Variants in TEAD2 observed in about 807,000 individuals in gnomAD.
TEAD2 encodes the protein TEA domain transcription factor 2, also known as transcriptional enhancer factor TEF-4.
In TEAD2, 51 loss-of-function variants were observed where a neutral mutation model predicts 61.4. The observed-to-expected ratio is 0.83, with a 90% CI of 0.66 to 1.05. The LOEUF is 1.05. Among genes scored for constraint, TEAD2 ranks in the 50% least tolerant of loss-of-function variants. The pLI, the probability that TEAD2 is intolerant of heterozygous loss-of-function variation, is 0.00. For missense variants in TEAD2, 509 were observed against 600.0 expected (o/e 0.85, Z 1.58); for synonymous variants, 244 against 243.2 (o/e 1.00, Z -0.03).
chr19:49,351,801 C>A (rs55711840), intron 7 of TEAD2, among the ~76,000 whole-genome samples: 28,733 of 151,880 alleles, frequency 0.19, 3,267 homozygotes, highest in Non-Finnish European at 0.25. Context: ...GCCTGGCCAA[C>A]ATGGTGAAAT....
At chr19:49,354,698 T>C (rs1320502326) in intron 7 of TEAD2, among the ~76,000 whole-genome samples, 1 of 151,426 alleles carries the variant, frequency 6.6e-6, no homozygotes, top group African/African-American at 2.4e-5. Context: ...TACCCTCAGG[T>C]CCAAGAACCA....
intron 10 of TEAD2, among the ~76,000 whole-genome samples, chr19:49,346,861 C>A (rs1429594760): frequency 6.6e-6 from 1 of 152,146 alleles, no homozygotes; most frequent in African/African-American, 2.4e-5. Flanking sequence ...CGGCTTGGTG[C>A]AGTCAGGTGG....
intron 10 of TEAD2, among the ~76,000 whole-genome samples, chr19:49,344,416 G>A (rs893753948): frequency 6.6e-6 from 1 of 152,066 alleles, no homozygotes; most frequent in Non-Finnish European, 1.5e-5. Context: ...AAGTGGCTGG[G>A]ATTACAGGCG....
intron 5 of TEAD2, 130 bp from the exon 6 acceptor site, chr19:49,355,549 G>A (rs1023491390): frequency 9.0e-5 from 67 of 742,108 alleles, no homozygotes; most frequent in Middle Eastern, 3.8e-4. Flanking sequence ...GTTAGTGGCC[G>A]GGCATGGTGG....
At chr19:49,355,021 G>GCATACATACATACATACATACATA (rs113350132) in intron 7 of TEAD2, 127 bp downstream of exon 7, 13 of 630,502 alleles carry the variant, frequency 2.1e-5, no homozygotes, top group South Asian at 1.5e-4. Context: ...ATACATACAT[G>GCATACATACATACATACATACATA]CATACATACA....
rs560165853 is a variant in TEAD2, at chr19:49,351,762, G to A, written c.540-397C>T. 2.6e-5 allele frequency among the ~76,000 whole-genome samples: 4 copies of A among 152,202 alleles called. No individual in the cohort carries two copies. In the South Asian group the frequency reaches 6.2e-4, roughly 24 times the overall value. ...GCACTTCAGGAGGTTGAGGCGGGCA[G>A]ATCACTTGAGGTCAGGAGTTCGAGA... On this transcript the variant is annotated intron_variant, in intron 7 of 12. Transcript: ENST00000593945.
At chr19:49,356,357 GA>G (rs1448141656) in intron 4 of TEAD2, 1 of 89,684 alleles carries the variant, frequency 1.1e-5, no homozygotes, top group Admixed American at 1.6e-4. Context: ...TAGAGAGAAA[GA>G]AAGGGAAAGC....
intron 4 of TEAD2, 42 bp downstream of exon 4, chr19:49,357,210 C>A: frequency 6.3e-7 from 1 of 1,576,506 alleles, no homozygotes; most frequent in East Asian, 2.3e-5. Context: ...CCCCCACCCC[C>A]AGTCTCTGTC....
chr19:49,342,507 C>T lies in TEAD2; in HGVS notation c.1173G>A (p.Leu391=). 1 of 1,614,194 alleles carries T rather than the reference C, an allele frequency of 6.2e-7. No individual in the cohort carries two copies. The highest frequency in any genetic ancestry group is 1.1e-5 in the South Asian group (1 of 91,090). ...GCTCAGGCAGCTGCCGCAACTTGTG[C>T]AAGAAATTCACCAGGTACTCGCACA... The part of the protein sequence containing the change: ...SPMCEYLVNF[L]HKLRQLPERY... Residue 391 remains leucine, a synonymous_variant, in exon 12 of 13, where the codon TTG becomes TTA. Coordinates refer to ENST00000593945, the MANE Select transcript of TEAD2 (RefSeq NM_001256660.2).
rs1347384695 is a variant in TEAD2, at chr19:49,355,308, C to T, written c.480+4G>A. The T allele has an allele frequency of 1.9e-6, 3 of 1,614,152 alleles. No homozygotes were observed. The Admixed American group carries it at 5.0e-5, about 27-fold the overall frequency. On this transcript the variant is annotated splice_donor_region_variant and intron_variant, in intron 6 of 12. Transcript: ENST00000593945. The stretch of plus-strand genomic sequence containing the variant: ...CACGTCCCACAATCCCCAACCTGGA[C>T]CACCTGAGGACCAGTGGGACCCAGT...
rs201241560 is a variant in TEAD2 at position 49,347,220 on chromosome 19, G to A, written c.891C>T (p.Pro297=). Residue 297 remains proline, a synonymous_variant, in exon 10 of 13, where the codon CCC becomes CCT. Transcript: ENST00000593945. ...ACTTGACCAGGAAGAAGGCATGGGG[G>A]GGGCCACGATCATATAGCTCTCGGA... ...GGLRELYDRG[P]PHAFFLVKFW... 3 of 1,614,048 alleles carry A rather than the reference G, an allele frequency of 1.9e-6. No individual in the cohort carries two copies. Among genetic ancestry groups the A allele is most frequent in the East Asian group, 2.2e-5 (1 of 44,886 alleles).
chr19:49,359,272 G>A lies in TEAD2; in HGVS notation c.297+163C>T, dbSNP rs908567520. ...ACAAATACATAAATAACCCAGCCTC[G>A]GGTAATTCTTTATAGCAATACAAAC... On this transcript the variant is annotated intron_variant, in intron 3 of 12. Coordinates refer to ENST00000593945, the MANE Select transcript of TEAD2 (RefSeq NM_001256660.2). This position sits in a 1 kb window ranked among gnomAD's most constrained non-coding sequence, Gnocchi z 4.1. 11 of 684,498 alleles carry A rather than the reference G, an allele frequency of 1.6e-5. No individual in the cohort carries two copies. Among genetic ancestry groups the A allele is most frequent in the Middle Eastern group, 8.5e-4 (2 of 2,340 alleles). 42.4% of individuals were successfully genotyped at this position (684,498 alleles called of 1,614,324 possible). A position where few individuals can be genotyped will look rare whatever the true frequency, so the allele number is the denominator to read the frequency against.
intron 3 of TEAD2, chr19:49,357,860 G>A: frequency 6.3e-6 from 1 of 159,058 alleles, no homozygotes; most frequent in Admixed American, 6.0e-5. Flanking sequence ...CACTTTGGGA[G>A]GCCTAGATGG....
chr19:49,355,417 G>A lies in TEAD2; in HGVS notation c.375C>T (p.Asp125=), dbSNP rs148691045. The change falls in exon 6 of 13, where the codon GAC becomes GAT. Residue 125 remains aspartate, a splice_region_variant and synonymous_variant. Coordinates refer to ENST00000593945, the MANE Select transcript of TEAD2 (RefSeq NM_001256660.2). ...GGAAAGCCTTGTCCTTGGAAACCTG[G>A]TCCTGGAGGAGGAGGCGGAAGTTCA... ...IQSKLKALNV[D]QVSKDKAFQT... 319 of 1,614,020 alleles carry A rather than the reference G, an allele frequency of 2.0e-4. 1 individual carries two copies. In the African/African-American group the frequency reaches 3.9e-3, roughly 19 times the overall value.
chr19:49,349,334 G>A (rs1032789495), intron 8 of TEAD2, among the ~76,000 whole-genome samples: 4 of 151,976 alleles, frequency 2.6e-5, no homozygotes, highest in Non-Finnish European at 4.4e-5. Flanking sequence ...ATGGTGGCAC[G>A]TGCCTGTAAT....
chr19:49,343,960 C>A (rs756788408), intron 10 of TEAD2, among the ~76,000 whole-genome samples: 5 of 151,656 alleles, frequency 3.3e-5, no homozygotes, highest in African/African-American at 4.8e-5. Flanking sequence ...ATCCTCCCAT[C>A]TCAGCCTCCT....
intron 8 of TEAD2, 28 bp downstream of exon 8, chr19:49,351,273 C>G: frequency 1.2e-6 from 2 of 1,603,066 alleles, no homozygotes; most frequent in Non-Finnish European, 8.5e-7. Flanking sequence ...AGAGGGGAGA[C>G]AAGGGAGGGT....
At chr19:49,343,465 C>T (rs1433118616) in intron 10 of TEAD2, 67 bp from the exon 11 acceptor site, 19 of 1,511,050 alleles carry the variant, frequency 1.3e-5, no homozygotes, top group East Asian at 6.9e-5. Context: ...GACTACCAGG[C>T]GCAGTGGTTC....
At chr19:49,347,077 G>T in intron 10 of TEAD2, 113 bp downstream of exon 10, 1 of 1,389,246 alleles carries the variant, frequency 7.2e-7, no homozygotes. Context: ...GGACTGACTG[G>T]TAAGTCCCAG....
Sources: gnomAD v4.1 joint callset for allele counts (sites outside exome capture counted in the v4.1 genomes callset) on GRCh38, gnomAD v4.1.1 for gene constraint, Gnocchi (gnomAD v3.1) non-coding constraint, MANE v1.5 for transcripts, NCBI Gene and HGNC (gene_info 2026-07-23, HGNC 2026-07-21) for gene names.